The following CDH4 variants were observed in gnomAD, a reference collection of about 807,000 sequenced individuals.
The protein encoded by CDH4 is cadherin 4.
A neutral mutation model predicts 86.0 loss-of-function variants in CDH4; 33 were observed. The ratio of observed to expected loss-of-function variants is 0.38; its 90% CI spans 0.29 to 0.51. CDH4 has a LOEUF of 0.51. Among genes scored for constraint, CDH4 ranks in the 20% least tolerant of loss-of-function variants. The probability of loss-of-function intolerance (pLI) is 0.86; values close to 1 mark genes in which losing one functional copy is unlikely to be tolerated. For missense variants in CDH4, 1,114 were observed against 1,307.4 expected, an observed-to-expected ratio of 0.85 and a Z score of 2.28; for synonymous variants, 555 against 549.4, an observed-to-expected ratio of 1.01 and a Z score of -0.14.
rs1290264055 is a variant in CDH4, at chr20:61,392,627, C to T, written c.169+137690C>T. Among the ~76,000 whole-genome samples the T allele has an allele frequency of 1.3e-5, 2 of 152,054 alleles. No homozygotes were observed. The highest frequency in any genetic ancestry group is 3.9e-4 in the East Asian group (2 of 5,166). ...TGCCCCATAAAGGGGAAATATGGTC[C>T]TATTACTTGGTAAAATGTTGTGCTA... On this transcript the variant is annotated intron_variant, in intron 2 of 15. Coordinates refer to ENST00000614565, the MANE Select transcript of CDH4 (RefSeq NM_001794.5). The surrounding 1 kb of genome is among the most constrained non-coding windows in gnomAD (Gnocchi z 5.7).
At chr20:61,285,078 T>TG (rs2084285887) in intron 2 of CDH4, among the ~76,000 whole-genome samples, 1 of 145,248 alleles carries the variant, frequency 6.9e-6, no homozygotes, top group Non-Finnish European at 1.5e-5. Flanking sequence ...TCCTGTTTTT[T>TG]TTTTTTGTTT....
chr20:61,389,044 T>G (rs961402838), intron 2 of CDH4, among the ~76,000 whole-genome samples: 3 of 152,272 alleles, frequency 2.0e-5, no homozygotes, highest in Non-Finnish European at 4.4e-5. Context: ...AGCTTCCTTT[T>G]ATGTATGGCT....
At chr20:61,291,444 A>G (rs2123183923) in intron 2 of CDH4, among the ~76,000 whole-genome samples, 1 of 152,300 alleles carries the variant, frequency 6.6e-6, no homozygotes, top group South Asian at 2.1e-4. Flanking sequence ...TCTTACAGGT[A>G]CCCGTTAGCT....
At chr20:61,375,263 G>A (rs989505581) in intron 2 of CDH4, among the ~76,000 whole-genome samples, 7 of 152,192 alleles carry the variant, frequency 4.6e-5, no homozygotes, top group African/African-American at 1.4e-4. Context: ...AAAGTTCATG[G>A]TACCTACTAA....
chr20:61,564,440 C>T (rs73322205), intron 2 of CDH4, among the ~76,000 whole-genome samples: 2,250 of 152,214 alleles, frequency 0.015, 67 homozygotes, highest in African/African-American at 0.05. Flanking sequence ...GCCTTCCCCT[C>T]GGTGCTGAGT....
At chr20:61,765,891 C>CA (rs2145976294) in intron 3 of CDH4, among the ~76,000 whole-genome samples, 1 of 152,202 alleles carries the variant, frequency 6.6e-6, no homozygotes, top group Non-Finnish European at 1.5e-5. Flanking sequence ...TTGCTGGGGT[C>CA]ACCTGCCTTC....
rs1304368828 is a variant in CDH4 at position 61,799,992 on chromosome 20, G to T, written c.576+26810G>T. On this transcript the variant is annotated intron_variant, in intron 4 of 15. Transcript: ENST00000614565. The stretch of plus-strand genomic sequence containing the variant: ...GTCTTCATGGCCCGTCCCTTCCCAT[G>T]ACCCGCTCGGCTGCAGCGGCCCTCG... Among the ~76,000 whole-genome samples, 5 of 152,168 alleles carry T rather than the reference G, an allele frequency of 3.3e-5. No homozygotes were observed. The East Asian group carries it at 9.7e-4, about 30-fold the overall frequency.
chr20:61,324,513 T>G (rs2084526690), intron 2 of CDH4, among the ~76,000 whole-genome samples: 1 of 152,180 alleles, frequency 6.6e-6, no homozygotes, highest in Non-Finnish European at 1.5e-5. Context: ...TGCTCCAGTA[T>G]CTGCCTGGCT....
At chr20:61,815,000 C>T (rs1229158706) in intron 4 of CDH4, among the ~76,000 whole-genome samples, 1 of 152,174 alleles carries the variant, frequency 6.6e-6, no homozygotes, top group Admixed American at 6.5e-5. Flanking sequence ...GGAGGCACCC[C>T]TCAAAATGAA....
chr20:61,456,098 G>C (rs2085405521), intron 2 of CDH4, among the ~76,000 whole-genome samples: 2 of 152,140 alleles, frequency 1.3e-5, no homozygotes, highest in African/African-American at 2.4e-5. Flanking sequence ...ATGGCTGGAT[G>C]GTTGGATGGA....
At chr20:61,856,328 T>C (rs1340077085) in intron 6 of CDH4, among the ~76,000 whole-genome samples, 1 of 152,144 alleles carries the variant, frequency 6.6e-6, no homozygotes, top group African/African-American at 2.4e-5. Flanking sequence ...GACATGAGCA[T>C]GCCAGTACAG....
chr20:61,565,934 C>T (rs73136649), intron 2 of CDH4, among the ~76,000 whole-genome samples: 3,935 of 152,258 alleles, frequency 0.026, 66 homozygotes, highest in Middle Eastern at 0.061. Context: ...GGTTCTCCAG[C>T]CCCATGTACA....
At chr20:61,513,022 T>A (rs889182330) in intron 2 of CDH4, among the ~76,000 whole-genome samples, 4 of 152,230 alleles carry the variant, frequency 2.6e-5, no homozygotes, top group African/African-American at 7.2e-5. Flanking sequence ...ACATGTGCCC[T>A]CTAACTGCAA....
At position 61,826,962 on chromosome 20, in the gene CDH4, A is replaced by AGTGTGTATGT. The variant is rs770422600; in HGVS notation, c.577-17700_577-17699insATGTGTGTGT. ...AGCTATTACCATTTAAGAAGGGAAA[A>AGTGTGTATGT]GTGTGTGTGTGTGTGTGTGTGTGTG... is the stretch of plus-strand genomic sequence containing the variant. On this transcript the variant is annotated intron_variant, in intron 4 of 15. Coordinates refer to ENST00000614565, the MANE Select transcript of CDH4 (RefSeq NM_001794.5). Among the ~76,000 whole-genome samples, 353 of 146,080 alleles carry AGTGTGTATGT rather than the reference A, an allele frequency of 2.4e-3. 3 individuals carry two copies. The highest frequency in any genetic ancestry group is 7.6e-3 in the African/African-American group (285 of 37,610).
chr20:61,917,289 C>A (rs2054913189), intron 9 of CDH4, among the ~76,000 whole-genome samples: 1 of 152,244 alleles, frequency 6.6e-6, no homozygotes, highest in South Asian at 2.1e-4. Context: ...ATCATACCCT[C>A]CTCAGGGCCC....
At position 61,254,954 on chromosome 20, in the gene CDH4, A is replaced by G. The variant is rs776476003; in HGVS notation, c.169+17A>G. 2 of 1,304,780 alleles carry G rather than the reference A, an allele frequency of 1.5e-6. 1 individual carries two copies. Among genetic ancestry groups the G allele is most frequent in the Non-Finnish European group, 2.2e-6 (2 of 899,900 alleles). The allele number at this position is 1,304,780 out of a possible 1,614,324, so 80.8% of individuals were successfully genotyped here. On this transcript the variant is annotated intron_variant, in intron 2 of 15. Coordinates refer to ENST00000614565, the MANE Select transcript of CDH4 (RefSeq NM_001794.5). Reference sequence around the variant, plus strand: ...TACTTCAAGGTAAGGCGGGGTGTGGAGGGGTGGGAGTGAATTGCTGCCATG... The same window carrying G: ...TACTTCAAGGTAAGGCGGGGTGTGGGGGGGTGGGAGTGAATTGCTGCCATG...
intron 2 of CDH4, among the ~76,000 whole-genome samples, chr20:61,412,169 C>T (rs2085123141): frequency 6.6e-6 from 1 of 152,206 alleles, no homozygotes; most frequent in Non-Finnish European, 1.5e-5. Context: ...AGAGCAGGGC[C>T]TCTGCCCTTC....
intron 2 of CDH4, among the ~76,000 whole-genome samples, chr20:61,631,830 C>T (rs1025443834): frequency 3.9e-5 from 6 of 152,194 alleles, no homozygotes; most frequent in South Asian, 4.1e-4. Context: ...GGGGGTGGCA[C>T]GCGTCCTCCG....
intron 4 of CDH4, among the ~76,000 whole-genome samples, chr20:61,775,656 T>C (rs1241900674): frequency 6.6e-6 from 1 of 152,162 alleles, no homozygotes; most frequent in Admixed American, 6.5e-5. Flanking sequence ...AAGAAAGGGC[T>C]GCCCAAGCCA....
Sources: gnomAD v4.1 joint callset for allele counts (sites outside exome capture counted in the v4.1 genomes callset) on GRCh38, gnomAD v4.1.1 for gene constraint, Gnocchi (gnomAD v3.1) non-coding constraint, MANE v1.5 for transcripts, NCBI Gene and HGNC (gene_info 2026-07-23, HGNC 2026-07-21) for gene names.